Variants in SERPINB7 observed in about 807,000 individuals in gnomAD.
SERPINB7 encodes serpin family B member 7, also known as serpin B7.
SERPINB7 carries 31 observed loss-of-function variants against 37.4 expected under a neutral mutation model. The ratio of observed to expected loss-of-function variants is 0.83; its 90% CI spans 0.62 to 1.12. The LOEUF (loss-of-function observed/expected upper bound fraction) is 1.12. SERPINB7 is among the 50% of genes most tolerant of loss of function. SERPINB7 has a pLI of 0.00. For missense variants in SERPINB7, 521 were observed against 455.3 expected, an observed-to-expected ratio of 1.14 and a Z score of -1.31; for synonymous variants, 163 against 166.1, an observed-to-expected ratio of 0.98 and a Z score of 0.14.
At chr18:63,761,169 C>T (rs2049151819) in intron 1 of SERPINB7, among the ~76,000 whole-genome samples, 2 of 152,240 alleles carry the variant, frequency 1.3e-5, no homozygotes, top group African/African-American at 2.4e-5. Context: ...GGAAACCCAC[C>T]TCTTGCATCA....
At chr18:63,765,117 G>T (rs2049173830) in intron 1 of SERPINB7, among the ~76,000 whole-genome samples, 1 of 152,014 alleles carries the variant, frequency 6.6e-6, no homozygotes, top group Non-Finnish European at 1.5e-5. Context: ...TCCCACAATT[G>T]TAGATTCAAC....
Position 63,798,648 on chromosome 18 carries a change from G to C in SERPINB7, c.499G>C (p.Ala167Pro), listed in dbSNP as rs1186373102. ...VIGEGGISSS[A>P]VMVLVNAVYF... ...TGGTGAAGGTGGCATAAGCTCATCT[G>C]CTGTAATGGTGCTGGTGAATGCTGT... is the stretch of plus-strand genomic sequence containing the variant. Residue 167 changes from alanine to proline, a missense_variant, in exon 6 of 8, where the codon GCT (alanine) becomes CCT (proline). Transcript: ENST00000398019. The C allele has an allele frequency of 1.2e-6, 2 of 1,608,818 alleles. No homozygotes were observed. Among genetic ancestry groups the C allele is most frequent in the Admixed American group, 3.4e-5 (2 of 59,314 alleles).
intron 1 of SERPINB7, among the ~76,000 whole-genome samples, chr18:63,775,964 G>A (rs1426208548): frequency 6.6e-6 from 1 of 151,984 alleles, no homozygotes; most frequent in Non-Finnish European, 1.5e-5. Flanking sequence ...ACTGTGACCC[G>A]TGGTCTCTTC....
At chr18:63,768,743 A>G (rs1003284986) in intron 1 of SERPINB7, among the ~76,000 whole-genome samples, 1 of 152,104 alleles carries the variant, frequency 6.6e-6, no homozygotes, top group African/African-American at 2.4e-5. Flanking sequence ...AACCACTGCC[A>G]CCATCAATTC....
At chr18:63,755,757 G>C (rs2049118455) in intron 1 of SERPINB7, among the ~76,000 whole-genome samples, 2 of 151,990 alleles carry the variant, frequency 1.3e-5, no homozygotes, top group South Asian at 4.2e-4. Flanking sequence ...AGCTAGATAT[G>C]GTGGTGTATA....
At chr18:63,767,674 G>T (rs1219392640) in intron 1 of SERPINB7, among the ~76,000 whole-genome samples, 1 of 151,702 alleles carries the variant, frequency 6.6e-6, no homozygotes, top group Non-Finnish European at 1.5e-5. Flanking sequence ...TTTTATTCTG[G>T]ATTTTCCAGC....
chr18:63,764,656 A>AC (rs2144588911), intron 1 of SERPINB7, among the ~76,000 whole-genome samples: 1 of 152,288 alleles, frequency 6.6e-6, no homozygotes, highest in East Asian at 1.9e-4. Context: ...ATTGGCAAAA[A>AC]AAATGGACAT....
chr18:63,798,504 T>A, intron 5 of SERPINB7, 100 bp from the exon 6 acceptor site: 1 of 835,284 alleles, frequency 1.2e-6, no homozygotes, highest in Non-Finnish European at 1.8e-6. Context: ...GGTGTTATTA[T>A]GTGTTAAGAA....
intron 1 of SERPINB7, among the ~76,000 whole-genome samples, chr18:63,767,486 T>C (rs1020721526): frequency 5.9e-5 from 9 of 152,156 alleles, no homozygotes; most frequent in African/African-American, 2.2e-4. Context: ...GGTCTTATAG[T>C]TGAGTCTGTG....
At chr18:63,785,629 C>T (rs1416154831) in intron 2 of SERPINB7, among the ~76,000 whole-genome samples, 3 of 151,794 alleles carry the variant, frequency 2.0e-5, no homozygotes, top group Non-Finnish European at 4.4e-5. Flanking sequence ...AGTTGAAGTG[C>T]CATGAAGGCT....
At chr18:63,791,925 T>C (rs1405434745) in intron 2 of SERPINB7, among the ~76,000 whole-genome samples, 1 of 152,200 alleles carries the variant, frequency 6.6e-6, no homozygotes, top group Non-Finnish European at 1.5e-5. Flanking sequence ...ACAGGTATTC[T>C]GAGTTACATC....
intron 1 of SERPINB7, among the ~76,000 whole-genome samples, chr18:63,762,403 G>A (rs1269150600): frequency 6.6e-6 from 1 of 152,136 alleles, no homozygotes; most frequent in African/African-American, 2.4e-5. Context: ...GGTTGATTCA[G>A]AACTCACTTG....
intron 4 of SERPINB7, among the ~76,000 whole-genome samples, chr18:63,794,629 G>T (rs1259525189): frequency 6.6e-6 from 1 of 152,176 alleles, no homozygotes; most frequent in Non-Finnish European, 1.5e-5. Context: ...GGCGGAGCTT[G>T]CAGTGAGCCA....
intron 4 of SERPINB7, 70 bp downstream of exon 4, chr18:63,793,347 T>C: frequency 2.5e-6 from 2 of 785,970 alleles, no homozygotes; most frequent in East Asian, 5.2e-5. Context: ...AAGGCTTGTG[T>C]CTTTCTACTG....
intron 2 of SERPINB7, among the ~76,000 whole-genome samples, chr18:63,788,768 A>T: frequency 6.6e-6 from 1 of 152,224 alleles, no homozygotes; most frequent in East Asian, 1.9e-4. Flanking sequence ...CTATTCTTAG[A>T]TGTATTTAAT....
Position 63,798,640 on chromosome 18 carries a change from G to T in SERPINB7, c.491G>T (p.Ser164Ile), listed in dbSNP as rs1253335288. ...AACGTGATTGGTGAAGGTGGCATAA[G>T]CTCATCTGCTGTAATGGTGCTGGTG... is the stretch of plus-strand genomic sequence containing the variant. ...IKNVIGEGGI[S>I]SSAVMVLVNA... The change falls in exon 6 of 8, where the codon AGC becomes ATC. Residue 164 changes from serine (S) to isoleucine (I), a missense_variant. Physicochemically the swap from Ser to Ile is moderately radical, Grantham distance 142 (BLOSUM62 -2). Coordinates refer to ENST00000398019, the MANE Select transcript of SERPINB7 (RefSeq NM_003784.4). 1.2e-6 allele frequency: 2 copies of T among 1,600,368 alleles called. No individual in the cohort carries two copies. Among genetic ancestry groups the T allele is most frequent in the African/African-American group, 1.3e-5 (1 of 74,350 alleles).
At chr18:63,772,927 C>G (rs1598995242), upstream of SERPINB7, among the ~76,000 whole-genome samples, 1 of 152,058 alleles carries the variant, frequency 6.6e-6, no homozygotes, top group Non-Finnish European at 1.5e-5. Flanking sequence ...AATATTATAT[C>G]ATGTTATTTA....
At chr18:63,786,652 T>C (rs977567956) in intron 2 of SERPINB7, among the ~76,000 whole-genome samples, 2 of 152,120 alleles carry the variant, frequency 1.3e-5, no homozygotes, top group Non-Finnish European at 2.9e-5. Flanking sequence ...CCAAATGTCC[T>C]GAAATTTCTT....
intron 2 of SERPINB7, among the ~76,000 whole-genome samples, chr18:63,787,069 A>C: frequency 6.6e-6 from 1 of 152,208 alleles, no homozygotes; most frequent in East Asian, 1.9e-4. Flanking sequence ...CAACCTATAC[A>C]TATAGCATGA....
Sources: gnomAD v4.1 joint callset for allele counts (sites outside exome capture counted in the v4.1 genomes callset) on GRCh38, gnomAD v4.1.1 for gene constraint, MANE v1.5 for transcripts, NCBI Gene and HGNC (gene_info 2026-07-23, HGNC 2026-07-21) for gene names.